The following FAM114A1 variants were observed in gnomAD, a reference collection of about 807,000 sequenced individuals.
The protein encoded by FAM114A1 is family with sequence similarity 114 member A1, also known as protein NOXP20.
Under a neutral mutation model 64.3 loss-of-function variants are expected in FAM114A1, and 62 were observed. The observed-to-expected ratio is 0.96, with a 90% CI of 0.79 to 1.19. The LOEUF is 1.19. Among genes scored for constraint, FAM114A1 ranks in the 50% most tolerant of loss-of-function variants. The probability of loss-of-function intolerance (pLI) is 0.00; values close to 1 mark genes in which losing one functional copy is unlikely to be tolerated. For synonymous variants in FAM114A1, 254 were observed against 251.1 expected, an observed-to-expected ratio of 1.01 and a Z score of -0.11; for missense variants, 645 against 676.3, an observed-to-expected ratio of 0.95 and a Z score of 0.51.
At chr4:38,923,877 G>C (rs1024139017) in intron 9 of FAM114A1, among the ~76,000 whole-genome samples, 2 of 152,194 alleles carry the variant, frequency 1.3e-5, no homozygotes, top group Non-Finnish European at 2.9e-5. Context: ...GGTTGGGCAT[G>C]GTTAATGATT....
chr4:38,907,460 C>A (rs917820266), intron 6 of FAM114A1, among the ~76,000 whole-genome samples: 1 of 152,140 alleles, frequency 6.6e-6, no homozygotes. Context: ...TCCCTGTGTC[C>A]TTTCTTCCAC....
At chr4:38,892,340 A>G (rs1295438283) in intron 4 of FAM114A1, among the ~76,000 whole-genome samples, 2 of 152,228 alleles carry the variant, frequency 1.3e-5, no homozygotes, top group African/African-American at 4.8e-5. Flanking sequence ...TATACATCCC[A>G]TGGCTAATAG....
chr4:38,886,094 G>T (rs534760975), intron 3 of FAM114A1, among the ~76,000 whole-genome samples: 1 of 151,756 alleles, frequency 6.6e-6, no homozygotes, highest in Non-Finnish European at 1.5e-5. Flanking sequence ...TGATGAGAAC[G>T]ATTTCATGAA....
intron 9 of FAM114A1, among the ~76,000 whole-genome samples, chr4:38,927,841 G>A (rs991410811): frequency 1.1e-4 from 17 of 152,082 alleles, no homozygotes; most frequent in African/African-American, 3.6e-4. Context: ...CCGCCTCCGC[G>A]CCCGGTTAAT....
At chr4:38,929,165 C>A in intron 9 of FAM114A1, 77 bp from the exon 10 acceptor site, 1 of 1,129,956 alleles carries the variant, frequency 8.8e-7, no homozygotes, top group Non-Finnish European at 1.3e-6. Context: ...CAGCTGCAGG[C>A]TGTAATGTTG....
At chr4:38,903,569 A>G (rs956598698) in intron 4 of FAM114A1, among the ~76,000 whole-genome samples, 6 of 152,140 alleles carry the variant, frequency 3.9e-5, no homozygotes, top group African/African-American at 1.2e-4. Flanking sequence ...ATGCATATAT[A>G]TATATTTAAT....
chr4:38,884,156 GT>G (rs1715569922), intron 3 of FAM114A1, among the ~76,000 whole-genome samples: 1 of 152,178 alleles, frequency 6.6e-6, no homozygotes, highest in South Asian at 2.1e-4. Flanking sequence ...AGTTCAGTTG[GT>G]TTTTGGTTTT....
intron 7 of FAM114A1, among the ~76,000 whole-genome samples, chr4:38,910,825 C>T (rs771428349): frequency 6.6e-5 from 10 of 152,040 alleles, no homozygotes; most frequent in Admixed American, 1.3e-4. Flanking sequence ...GAGTGGGCTC[C>T]GGGCGAGAGC....
At chr4:38,892,006 A>G (rs1254565375) in intron 4 of FAM114A1, among the ~76,000 whole-genome samples, 176 bp downstream of exon 4, 3 of 152,248 alleles carry the variant, frequency 2.0e-5, no homozygotes, top group Non-Finnish European at 4.4e-5. Context: ...CCTCAAAATA[A>G]CCCTATATGG....
chr4:38,942,274 C>T (rs1721634972), intron 14 of FAM114A1, among the ~76,000 whole-genome samples: 1 of 152,084 alleles, frequency 6.6e-6, no homozygotes, highest in Admixed American at 6.5e-5. Flanking sequence ...GGACTTGTAC[C>T]TTACTGTTAA....
intron 4 of FAM114A1, among the ~76,000 whole-genome samples, chr4:38,893,935 G>A (rs1000362279): frequency 2.0e-5 from 3 of 152,076 alleles, no homozygotes; most frequent in Admixed American, 6.6e-5. Context: ...GGCCGAGGTG[G>A]ATGGATCATT....
At chr4:38,886,556 G>A (rs1014110960) in intron 3 of FAM114A1, among the ~76,000 whole-genome samples, 1 of 152,032 alleles carries the variant, frequency 6.6e-6, no homozygotes, top group African/African-American at 2.4e-5. Context: ...TGTTCATGTC[G>A]TGATTTTCAT....
chr4:38,895,359 C>G (rs1716825106), intron 4 of FAM114A1, among the ~76,000 whole-genome samples: 1 of 152,196 alleles, frequency 6.6e-6, no homozygotes, highest in African/African-American at 2.4e-5. Flanking sequence ...AGGAAAATCT[C>G]TCTCATGCTT....
intron 2 of FAM114A1, among the ~76,000 whole-genome samples, chr4:38,869,390 G>A (rs891511230): frequency 3.9e-5 from 6 of 152,196 alleles, no homozygotes; most frequent in Non-Finnish European, 8.8e-5. Flanking sequence ...AGGAACCAGC[G>A]TAAGCAAAGG....
At chr4:38,903,337 G>A (rs756273435) in intron 4 of FAM114A1, among the ~76,000 whole-genome samples, 45 of 152,216 alleles carry the variant, frequency 3.0e-4, no homozygotes, top group Admixed American at 1.3e-4. Flanking sequence ...AAGGGACGGA[G>A]AAGGTGAAAG....
chr4:38,919,119 C>G lies in FAM114A1; in HGVS notation c.946-3651C>G, dbSNP rs370142844. 1.5e-4 allele frequency among the ~76,000 whole-genome samples: 23 copies of G among 152,306 alleles called. No individual in the cohort carries two copies. In the East Asian group the frequency reaches 1.7e-3, roughly 11 times the overall value. On this transcript the variant is annotated intron_variant, in intron 8 of 14. Coordinates refer to ENST00000358869, the MANE Select transcript of FAM114A1 (RefSeq NM_138389.4). ...AGTGAGCCGAGATCACACCACTGCA[C>G]TGCAGCCTAGGTGACAGAATGAGAC...
At chr4:38,891,897 C>A in intron 4 of FAM114A1, 67 bp downstream of exon 4, 4 of 1,422,432 alleles carry the variant, frequency 2.8e-6, no homozygotes, top group Non-Finnish European at 3.8e-6. Flanking sequence ...ACGTTTTGAT[C>A]GTACTGTATA....
Position 38,880,584 on chromosome 4 carries a change from A to ATG in FAM114A1, c.348+2160_348+2161dup, listed in dbSNP as rs1294486308. ...TGGTGAAGAGATGGACCACTAGATT[A>ATG]TGTCAAGAATCAGCCCAAATAGGAA... On this transcript the variant is annotated intron_variant, in intron 3 of 14. Transcript: ENST00000358869. 6.6e-5 allele frequency among the ~76,000 whole-genome samples: 10 copies of ATG among 152,314 alleles called. No homozygotes were observed. The East Asian group carries it at 1.9e-3, about 29-fold the overall frequency.
intron 2 of FAM114A1, among the ~76,000 whole-genome samples, chr4:38,877,173 C>T (rs1164898088): frequency 6.6e-6 from 1 of 152,148 alleles, no homozygotes; most frequent in Non-Finnish European, 1.5e-5. Flanking sequence ...GACAATTTTC[C>T]CACAGATCAG....
Sources: gnomAD v4.1 joint callset for allele counts (sites outside exome capture counted in the v4.1 genomes callset) on GRCh38, gnomAD v4.1.1 for gene constraint, MANE v1.5 for transcripts, NCBI Gene and HGNC (gene_info 2026-07-23, HGNC 2026-07-21) for gene names.